The following NUDT5 variants were observed in gnomAD, a reference collection of about 807,000 sequenced individuals.
The protein encoded by NUDT5 is ADP-sugar pyrophosphatase.
NUDT5 carries 21 observed loss-of-function variants against 34.1 expected under a neutral mutation model. The observed-to-expected ratio is 0.62, with a 90% CI of 0.44 to 0.89. The LOEUF (loss-of-function observed/expected upper bound fraction) is 0.89. Among genes scored for constraint, NUDT5 ranks in the 40% least tolerant of loss-of-function variants. The pLI, the probability that NUDT5 is intolerant of heterozygous loss-of-function variation, is 0.00. For synonymous variants in NUDT5, 85 were observed against 97.6 expected, an observed-to-expected ratio of 0.87 and a Z score of 0.76; for missense variants, 249 against 274.8, an observed-to-expected ratio of 0.91 and a Z score of 0.66.
chr10:12,195,520 T>C (rs2131724259), intron 1 of NUDT5, among the ~76,000 whole-genome samples: 1 of 152,348 alleles, frequency 6.6e-6, no homozygotes, highest in Non-Finnish European at 1.5e-5. Context: ...CTGCAATCTT[T>C]ACACTGGAAC....
Position 12,173,661 on chromosome 10 carries a change from C to A in NUDT5, c.385+57G>T. The A allele has an allele frequency of 7.8e-7, 1 of 1,278,986 alleles. No individual in the cohort carries two copies. The highest frequency in any genetic ancestry group is 1.2e-5 in the South Asian group (1 of 84,398). The allele number at this position is 1,278,986 out of a possible 1,614,324, so 79.2% of individuals were successfully genotyped here. On this transcript the variant is annotated intron_variant, in intron 6 of 9. Transcript: ENST00000491614. This position sits in a 1 kb window ranked among gnomAD's most constrained non-coding sequence, Gnocchi z 4.7. ...TGAGCGTAAAGAACACCCAAATAAT[C>A]AATCCCTTCCCAGACGGAGGAATCC...
chr10:12,177,006 C>T (rs1351501981), intron 5 of NUDT5, among the ~76,000 whole-genome samples: 3 of 151,872 alleles, frequency 2.0e-5, no homozygotes, highest in Non-Finnish European at 4.4e-5. Context: ...CCTGTAATCC[C>T]AGCTACTCAG....
intron 5 of NUDT5, among the ~76,000 whole-genome samples, chr10:12,176,373 G>A (rs996615648): frequency 1.3e-5 from 2 of 152,094 alleles, no homozygotes; most frequent in Admixed American, 6.6e-5. Context: ...AGAGGCCAAG[G>A]TGGGTGGATC....
rs1311978980 is a variant in NUDT5 at position 12,182,523 on chromosome 10, T to C, written c.131+2366A>G. On this transcript the variant is annotated intron_variant, in intron 3 of 9. Transcript: ENST00000491614. This position sits in a 1 kb window ranked among gnomAD's most constrained non-coding sequence, Gnocchi z 4.3. ...GAGGCCAGGAAAAAAACCCTATGTA[T>C]GGAAGAATGGACATGACCATGCTAT... 1.3e-5 allele frequency among the ~76,000 whole-genome samples: 2 copies of C among 152,172 alleles called. No homozygotes were observed.
intron 1 of NUDT5, among the ~76,000 whole-genome samples, chr10:12,192,840 G>C (rs1487517493): frequency 3.3e-5 from 5 of 151,822 alleles, no homozygotes; most frequent in African/African-American, 1.2e-4. Flanking sequence ...GACAGAGCGA[G>C]ACTCTGTCTC....
At chr10:12,192,523 T>C (rs1835248907) in intron 1 of NUDT5, among the ~76,000 whole-genome samples, 1 of 152,130 alleles carries the variant, frequency 6.6e-6, no homozygotes, top group East Asian at 1.9e-4. Flanking sequence ...TTAATAATTT[T>C]GGTCATAGTT....
intron 3 of NUDT5, chr10:12,180,325 G>A (rs1293722346): frequency 6.6e-6 from 1 of 152,166 alleles, no homozygotes; most frequent in East Asian, 1.9e-4. Flanking sequence ...CAACATTCCT[G>A]TTAGTAGCAA....
intron 7 of NUDT5, among the ~76,000 whole-genome samples, chr10:12,172,074 GAAC>G (rs1834868534): frequency 6.6e-6 from 1 of 152,074 alleles, no homozygotes; most frequent in Non-Finnish European, 1.5e-5. Context: ...ACATAAATAT[GAAC>G]AACTGAAGAG....
chr10:12,167,599 A>C lies in NUDT5; in HGVS notation c.*103T>G, dbSNP rs1834734354. The C allele has an allele frequency of 8.7e-7, 1 of 1,154,092 alleles. No homozygotes were observed. Among genetic ancestry groups the C allele is most frequent in the South Asian group, 1.4e-5 (1 of 70,874 alleles). The allele number at this position is 1,154,092 out of a possible 1,614,324, so 71.5% of individuals were successfully genotyped here. ...TCTGTTCTGTGCTTTTATTTTACGA[A>C]AAAGCTAATGGCAAATCTACATTAA... On this transcript the variant is annotated 3_prime_UTR_variant, in exon 10 of 10. Coordinates refer to ENST00000491614, the MANE Select transcript of NUDT5 (RefSeq NM_014142.4).
intron 1 of NUDT5, among the ~76,000 whole-genome samples, chr10:12,190,434 C>A (rs1835204281): frequency 6.6e-6 from 1 of 152,084 alleles, no homozygotes; most frequent in Non-Finnish European, 1.5e-5. Context: ...GCAGTGGAAA[C>A]GTCTGTGTAT....
In NUDT5 at chr10:12,171,697, T is replaced by TTA. The variant is rs946386753; in HGVS notation, c.488-791_488-790dup. Among the ~76,000 whole-genome samples, 1 of 146,922 alleles carries TTA rather than the reference T, an allele frequency of 6.8e-6. No individual in the cohort carries two copies. Among genetic ancestry groups the TTA allele is most frequent in the African/African-American group, 2.5e-5 (1 of 40,120 alleles). ...AAAAATTAAGATTTATTTTATTTAT[T>TTA]TATTTATTTATTTATTTATTTATTT... On this transcript the variant is annotated intron_variant, in intron 7 of 9. Transcript: ENST00000491614. This position sits in a 1 kb window ranked among gnomAD's most constrained non-coding sequence, Gnocchi z 4.2.
chr10:12,177,949 A>G (rs1405474379), intron 4 of NUDT5, 49 bp from the exon 5 acceptor site: 1 of 1,367,192 alleles, frequency 7.3e-7, no homozygotes, highest in East Asian at 2.3e-5. Flanking sequence ...GAGGTCAGCA[A>G]TGCCAGCACA....
intron 1 of NUDT5, among the ~76,000 whole-genome samples, chr10:12,189,257 C>T (rs1378301799): frequency 6.6e-6 from 1 of 152,242 alleles, no homozygotes; most frequent in African/African-American, 2.4e-5. Flanking sequence ...AGGCTCCTAC[C>T]ACTGCACCCG....
intron 1 of NUDT5, among the ~76,000 whole-genome samples, chr10:12,189,853 G>A (rs1835192874): frequency 1.3e-5 from 2 of 151,768 alleles, no homozygotes; most frequent in Non-Finnish European, 2.9e-5. Context: ...TATGTGTATG[G>A]TATGAAAAAG....
At chr10:12,188,463 C>T (rs923765644) in intron 1 of NUDT5, among the ~76,000 whole-genome samples, 2 of 152,134 alleles carry the variant, frequency 1.3e-5, no homozygotes, top group East Asian at 1.9e-4. Context: ...CGGTGGCTCA[C>T]GCCTCACGCC....
rs1834728165 is a variant in NUDT5, at chr10:12,167,387, C to G, written c.*315G>C. 3.9e-6 allele frequency: 1 copy of G among 255,396 alleles called. No homozygotes were observed. The highest frequency in any genetic ancestry group is 7.6e-6 in the Non-Finnish European group (1 of 131,418). The allele number at this position is 255,396 out of a possible 1,614,324, so 15.8% of individuals were successfully genotyped here. A position where few individuals can be genotyped will look rare whatever the true frequency, so the allele number is the denominator to read the frequency against. On this transcript the variant is annotated 3_prime_UTR_variant, in exon 10 of 10. Transcript: ENST00000491614. ...GAGAACTCAGGTCTATTTCTCTATA[C>G]AAATACCCCTGTCTACCAGACTGGA...
intron 6 of NUDT5, 43 bp from the exon 7 acceptor site, chr10:12,172,909 ATTTG>A: frequency 7.1e-7 from 1 of 1,413,914 alleles, no homozygotes; most frequent in Non-Finnish European, 1.0e-6. Flanking sequence ...TCCCTTTGGC[ATTTG>A]TTTCACTATG....
At chr10:12,193,039 T>C (rs139993248) in intron 1 of NUDT5, among the ~76,000 whole-genome samples, 83 of 152,206 alleles carry the variant, frequency 5.5e-4, no homozygotes, top group Admixed American at 5.0e-3. Context: ...CCAGGAATCA[T>C]TTAGCAGGTG....
In NUDT5 at chr10:12,173,784, C is replaced by T. The variant is rs1834901077; in HGVS notation, c.319G>A (p.Ala107Thr). 1 of 1,613,942 alleles carries T rather than the reference C, an allele frequency of 6.2e-7. No homozygotes were observed. The highest frequency in any genetic ancestry group is 8.5e-7 in the Non-Finnish European group (1 of 1,179,860). Residue 107 changes from alanine (A) to threonine (T), a missense_variant, in exon 6 of 10, where the codon GCA (alanine) becomes ACA (threonine). Coordinates refer to ENST00000491614, the MANE Select transcript of NUDT5 (RefSeq NM_014142.4). This position sits in a 1 kb window ranked among gnomAD's most constrained non-coding sequence, Gnocchi z 4.7. ...TCTTCAAGCTCCCGGAGAGCAGCTG[C>T]TTCTGGGGTTTCACCATCATCTATG... ...GLIDDGETPE[A>T]AALRELEEET... is the part of the protein sequence containing the mutation.
Sources: allele counts gnomAD v4.1 joint callset (sites outside exome capture counted in the v4.1 genomes callset), GRCh38; gene constraint gnomAD v4.1.1; non-coding constraint Gnocchi (gnomAD v3.1); transcripts MANE v1.5; gene names NCBI Gene and HGNC (gene_info 2026-07-23, HGNC 2026-07-21).